The following CCDC68 variants were observed in gnomAD, a reference collection of about 807,000 sequenced individuals.
CCDC68 encodes the protein coiled-coil domain-containing protein 68.
CCDC68 carries 45 observed loss-of-function variants against 47.1 expected under a neutral mutation model. The observed-to-expected ratio is 0.96, with a 90% CI of 0.75 to 1.23. The LOEUF (loss-of-function observed/expected upper bound fraction) is 1.23, where lower values mean the gene tolerates loss of function less well. Ranked by LOEUF, CCDC68 falls within the 50% of genes most tolerant of loss-of-function variation. CCDC68 has a pLI of 0.00. For missense variants in CCDC68, 353 were observed against 373.6 expected, an observed-to-expected ratio of 0.94 and a Z score of 0.45; for synonymous variants, 131 against 129.5, an observed-to-expected ratio of 1.01 and a Z score of -0.08.
intron 7 of CCDC68, among the ~76,000 whole-genome samples, chr18:54,932,249 A>T (rs548994636): frequency 6.6e-6 from 1 of 150,548 alleles, no homozygotes; most frequent in Non-Finnish European, 1.5e-5. Flanking sequence ...CAGTGGCGTC[A>T]TCTCGGCTCA....
At chr18:54,958,399 C>T (rs1431601664) in intron 1 of CCDC68, among the ~76,000 whole-genome samples, 1 of 152,196 alleles carries the variant, frequency 6.6e-6, no homozygotes, top group African/African-American at 2.4e-5. Context: ...TTCAGTAGCT[C>T]TGAATATTTA....
chr18:54,914,908 G>A (rs542494420), intron 10 of CCDC68, among the ~76,000 whole-genome samples: 3 of 152,188 alleles, frequency 2.0e-5, no homozygotes, highest in Admixed American at 6.5e-5. Context: ...AATGTACAGC[G>A]TCGGGGTTAA....
intron 1 of CCDC68, 56 bp from the exon 2 acceptor site, chr18:54,945,533 G>C (rs532311944): frequency 6.9e-6 from 1 of 145,904 alleles, no homozygotes; most frequent in African/African-American, 2.4e-5. Flanking sequence ...TTGTGAGCTA[G>C]GCTGCAAAAA....
rs1254665584 is a variant in CCDC68, at chr18:54,902,140, G to GTT, written c.*2216_*2217dup. 4.6e-5 allele frequency: 7 copies of GTT among 151,886 alleles called. No individual in the cohort carries two copies. The highest frequency in any genetic ancestry group is 1.0e-4 in the Non-Finnish European group (7 of 67,960). 9.4% of individuals were successfully genotyped at this position (151,886 alleles called of 1,614,324 possible). On this transcript the variant is annotated 3_prime_UTR_variant, in exon 12 of 12. Coordinates refer to ENST00000591504, the MANE Select transcript of CCDC68 (RefSeq NM_025214.3). ...GGGCAGTTTCGAGGCAAGATAGATA[G>GTT]TTAGGTCAGATCTCTTTCACTGTCA...
At chr18:54,946,450 C>T (rs2044529482) in intron 1 of CCDC68, among the ~76,000 whole-genome samples, 1 of 152,166 alleles carries the variant, frequency 6.6e-6, no homozygotes. Flanking sequence ...CAGTACAGTA[C>T]CCTGGATCTA....
rs187171625 is a variant in CCDC68 at position 54,925,146 on chromosome 18, T to C, written c.683+3654A>G. Among the ~76,000 whole-genome samples, 5 of 152,312 alleles carry C rather than the reference T, an allele frequency of 3.3e-5. No homozygotes were observed. In the East Asian group the frequency reaches 9.6e-4, roughly 29 times the overall value. On this transcript the variant is annotated intron_variant, in intron 8 of 11. Coordinates refer to ENST00000591504, the MANE Select transcript of CCDC68 (RefSeq NM_025214.3). ...AGAAAACTAATCATCATTTCCTGTT[T>C]GGGTTGGCTGCTGGAAAATTTGAAA...
At chr18:54,905,839 G>A (rs8097587) in intron 11 of CCDC68, among the ~76,000 whole-genome samples, 44,019 of 151,986 alleles carry the variant, frequency 0.29, 6,469 homozygotes, top group Middle Eastern at 0.41. Context: ...ACTCCCCATC[G>A]CTCACATTAC....
chr18:54,906,628 C>T (rs1419169067), intron 11 of CCDC68, among the ~76,000 whole-genome samples: 3 of 152,162 alleles, frequency 2.0e-5, no homozygotes, highest in Admixed American at 1.3e-4. Flanking sequence ...ATTAGCCATC[C>T]TTCCTTCCCT....
intron 1 of CCDC68, among the ~76,000 whole-genome samples, chr18:54,950,897 CTTTTTTTTTT>C (rs869026740): frequency 4.8e-5 from 3 of 61,944 alleles, no homozygotes; most frequent in Admixed American, 2.8e-4. Flanking sequence ...ATTCAGATGT[CTTTTTTTTTT>C]TTTTTTTTTT....
At position 54,904,077 on chromosome 18, in the gene CCDC68, G is replaced by T; in HGVS notation, c.*281C>A. ...AGTAGAAAAAAAAATCTGAAAACAA[G>T]ATTCAGATTTTTTTTTTTTTTTAAT... On this transcript the variant is annotated 3_prime_UTR_variant, in exon 12 of 12. Coordinates refer to ENST00000591504, the MANE Select transcript of CCDC68 (RefSeq NM_025214.3). The T allele has an allele frequency of 4.3e-6, 1 of 231,278 alleles. No individual in the cohort carries two copies. The highest frequency in any genetic ancestry group is 7.7e-5 in the East Asian group (1 of 13,034). 14.3% of individuals were successfully genotyped at this position (231,278 alleles called of 1,614,324 possible).
At position 54,919,293 on chromosome 18, in the gene CCDC68, T is replaced by G; in HGVS notation, c.767A>C (p.Asn256Thr). Residue 256 changes from asparagine (N) to threonine (T), a missense_variant, in exon 9 of 12, where the codon AAC becomes ACC. Physicochemically the swap from Asn to Thr is moderately conservative, Grantham distance 65. Transcript: ENST00000591504. ...GACCTCCTGGATGACACTGCGCAGG[T>G]TCTGATGTTGGGAGTGAATCACAAA... is the stretch of plus-strand genomic sequence containing the variant. ...LQFVIHSQHQNLRSVIQEMEG... is the reference protein window; with the variant it reads ...LQFVIHSQHQTLRSVIQEMEG... 1 of 1,613,796 alleles carries G rather than the reference T, an allele frequency of 6.2e-7. No homozygotes were observed. The highest frequency in any genetic ancestry group is 8.5e-7 in the Non-Finnish European group (1 of 1,179,706).
intron 1 of CCDC68, among the ~76,000 whole-genome samples, chr18:54,947,561 A>G (rs2044547763): frequency 6.6e-6 from 1 of 152,222 alleles, no homozygotes; most frequent in African/African-American, 2.4e-5. Context: ...GGTTTCCTTA[A>G]CAGTAAAATG....
At chr18:54,908,298 G>A (rs1334964053) in intron 10 of CCDC68, among the ~76,000 whole-genome samples, 1 of 152,156 alleles carries the variant, frequency 6.6e-6, no homozygotes, top group Non-Finnish European at 1.5e-5. Flanking sequence ...ATTAATATAA[G>A]TTCATGGCCT....
chr18:54,929,564 A>G (rs929487578), intron 7 of CCDC68, among the ~76,000 whole-genome samples: 1 of 152,156 alleles, frequency 6.6e-6, no homozygotes, highest in African/African-American at 2.4e-5. Context: ...GATGGCACTC[A>G]GCTGAAAAAA....
chr18:54,937,782 C>A lies in CCDC68; in HGVS notation c.345+175G>T. ...AACAAAAGAAGCCTCAAAAATAAAA[C>A]AGTGAGATATGATTTGTGAAATATA... is the stretch of plus-strand genomic sequence containing the variant. On this transcript the variant is annotated intron_variant, in intron 5 of 11. Coordinates refer to ENST00000591504, the MANE Select transcript of CCDC68 (RefSeq NM_025214.3). 8.5e-6 allele frequency: 4 copies of A among 470,912 alleles called. No individual in the cohort carries two copies. The East Asian group carries it at 1.1e-4, about 13-fold the overall frequency. 29.2% of individuals were successfully genotyped at this position (470,912 alleles called of 1,614,324 possible). A position where few individuals can be genotyped will look rare whatever the true frequency, so the allele number is the denominator to read the frequency against.
rs557158474 is a variant in CCDC68, at chr18:54,950,595, T to C, written c.-102-5118A>G. Among the ~76,000 whole-genome samples, 890 of 152,286 alleles carry C rather than the reference T, an allele frequency of 5.8e-3. 4 individuals carry two copies. Among genetic ancestry groups the C allele is most frequent in the Non-Finnish European group, 0.01 (704 of 68,008 alleles). ...CATGCTAATCATTTGTATATACACATATATTATAGCCAGTGCTATAGAAAA... is the reference window on the plus strand; with the variant it reads ...CATGCTAATCATTTGTATATACACACATATTATAGCCAGTGCTATAGAAAA... On this transcript the variant is annotated intron_variant, in intron 1 of 11. Coordinates refer to ENST00000591504, the MANE Select transcript of CCDC68 (RefSeq NM_025214.3).
chr18:54,920,500 A>G (rs1170649400), intron 8 of CCDC68, among the ~76,000 whole-genome samples: 3 of 152,060 alleles, frequency 2.0e-5, no homozygotes, highest in South Asian at 4.1e-4. Context: ...CTCAGCCTCT[A>G]TGTGTATCAC....
At chr18:54,919,850 T>C (rs2044024490) in intron 8 of CCDC68, among the ~76,000 whole-genome samples, 1 of 152,192 alleles carries the variant, frequency 6.6e-6, no homozygotes, top group Non-Finnish European at 1.5e-5. Flanking sequence ...ATGTTGTGGA[T>C]TGTCTGTGTT....
chr18:54,938,093 C>T lies in CCDC68; in HGVS notation c.209G>A (p.Cys70Tyr), dbSNP rs757046578. The change falls in exon 5 of 12, where the codon TGT becomes TAT. Residue 70 changes from cysteine (C) to tyrosine (Y), a missense_variant. By Grantham distance (194) the Cys-to-Tyr change is radical (BLOSUM62 -2). Coordinates refer to ENST00000591504, the MANE Select transcript of CCDC68 (RefSeq NM_025214.3). The part of the protein sequence containing the change: ...STNHKLDAKH[C>Y]GNLQQGSDSE... ...ATCAGAGCCCTGTTGAAGGTTTCCACAGTGCTGAAACGGACAAATGAAAAT... is the reference window on the plus strand; with the variant it reads ...ATCAGAGCCCTGTTGAAGGTTTCCATAGTGCTGAAACGGACAAATGAAAAT... 5 of 1,612,488 alleles carry T rather than the reference C, an allele frequency of 3.1e-6. No individual in the cohort carries two copies. The Admixed American group carries it at 5.0e-5, about 16-fold the overall frequency.
Sources: gnomAD v4.1 joint callset for allele counts (sites outside exome capture counted in the v4.1 genomes callset) on GRCh38, gnomAD v4.1.1 for gene constraint, MANE v1.5 for transcripts, NCBI Gene and HGNC (gene_info 2026-07-23, HGNC 2026-07-21) for gene names.